Variants in CAMK4 observed in about 807,000 individuals in gnomAD.
CAMK4 encodes calcium/calmodulin-dependent protein kinase type IV.
A neutral mutation model predicts 44.9 loss-of-function variants in CAMK4; 22 were observed. The ratio of observed to expected loss-of-function variants is 0.49; its 90% CI spans 0.35 to 0.70. The LOEUF is 0.70. CAMK4 is among the 30% of genes least tolerant of loss of function. The probability of loss-of-function intolerance (pLI) is 0.01; values close to 1 mark genes in which losing one functional copy is unlikely to be tolerated. For missense variants in CAMK4, 498 were observed against 586.8 expected (o/e 0.85, Z 1.56); for synonymous variants, 218 against 215.4 (o/e 1.01, Z -0.11).
At chr5:111,346,714 T>A (rs1185211758) in intron 2 of CAMK4, among the ~76,000 whole-genome samples, 1 of 151,892 alleles carries the variant, frequency 6.6e-6, no homozygotes, top group African/African-American at 2.4e-5. Context: ...TCTCCTAGCT[T>A]CTGGTGACAG....
Position 111,475,295 on chromosome 5 carries a change from G to A in CAMK4, c.701+1909G>A, listed in dbSNP as rs543499294. 3.9e-5 allele frequency among the ~76,000 whole-genome samples: 6 copies of A among 152,294 alleles called. No homozygotes were observed. The South Asian group carries it at 1.2e-3, about 32-fold the overall frequency. ...AAATATACCCAATTTAGGTACCAGT[G>A]TACCAACAATTGGTAGGTACATTGT... On this transcript the variant is annotated intron_variant, in intron 8 of 10. Transcript: ENST00000282356.
intron 1 of CAMK4, among the ~76,000 whole-genome samples, chr5:111,335,948 T>C (rs1580611427): frequency 6.6e-6 from 1 of 151,332 alleles, no homozygotes; most frequent in Admixed American, 6.6e-5. Flanking sequence ...TTTTAACTTT[T>C]TGCCTTTAAA....
At chr5:111,229,779 C>G (rs1288317479) in intron 1 of CAMK4, among the ~76,000 whole-genome samples, 1 of 152,164 alleles carries the variant, frequency 6.6e-6, no homozygotes, top group Non-Finnish European at 1.5e-5. Flanking sequence ...CCAACCCTGT[C>G]TTGTTCTCTG....
intron 1 of CAMK4, among the ~76,000 whole-genome samples, chr5:111,261,631 T>G (rs1041104077): frequency 6.6e-6 from 1 of 152,164 alleles, no homozygotes; most frequent in Admixed American, 6.5e-5. Context: ...AGCCATCTTT[T>G]TAAAAATTTT....
At chr5:111,419,407 G>C (rs1224477707) in intron 5 of CAMK4, among the ~76,000 whole-genome samples, 1 of 152,140 alleles carries the variant, frequency 6.6e-6, no homozygotes, top group African/African-American at 2.4e-5. Flanking sequence ...TGTTCACTCT[G>C]ATGGTAGTTT....
At chr5:111,244,431 G>A (rs1749142305) in intron 1 of CAMK4, among the ~76,000 whole-genome samples, 1 of 152,142 alleles carries the variant, frequency 6.6e-6, no homozygotes, top group African/African-American at 2.4e-5. Context: ...AAGAATTCTA[G>A]CCTTGATGTT....
intron 7 of CAMK4, 128 bp from the exon 8 acceptor site, chr5:111,473,183 G>C: frequency 1.4e-6 from 1 of 726,630 alleles, no homozygotes; most frequent in Non-Finnish European, 2.5e-6. Flanking sequence ...TGTGGTTTGG[G>C]GAGAGAAGAT....
intron 5 of CAMK4, among the ~76,000 whole-genome samples, chr5:111,437,897 G>T (rs1753701672): frequency 6.6e-6 from 1 of 152,080 alleles, no homozygotes; most frequent in African/African-American, 2.4e-5. Context: ...AGAAGAAATG[G>T]CCTGATTCCC....
chr5:111,455,578 T>C (rs1333151931), intron 7 of CAMK4, among the ~76,000 whole-genome samples: 1 of 152,212 alleles, frequency 6.6e-6, no homozygotes, highest in Non-Finnish European at 1.5e-5. Flanking sequence ...AGTGATGGGC[T>C]AACAAAAGTC....
At chr5:111,317,466 G>T (rs1404346767) in intron 1 of CAMK4, among the ~76,000 whole-genome samples, 1 of 152,116 alleles carries the variant, frequency 6.6e-6, no homozygotes, top group Non-Finnish European at 1.5e-5. Context: ...TTCAAGCTTA[G>T]CCTGTAGAAA....
chr5:111,490,910 A>G lies in CAMK4; in HGVS notation c.*6444A>G, dbSNP rs1286253931. The G allele has an allele frequency of 6.6e-6, 1 of 152,124 alleles. No individual in the cohort carries two copies. The highest frequency in any genetic ancestry group is 2.4e-5 in the African/African-American group (1 of 41,410). The allele number at this position is 152,124 out of a possible 1,614,324, so 9.4% of individuals were successfully genotyped here. A position where few individuals can be genotyped will look rare whatever the true frequency, so the allele number is the denominator to read the frequency against. ...GCTGTGTTTCTTTCAACATTTTTCAATGTCTTGTGAGTTTAGTGAGTGGGT... is the reference window on the plus strand; with the variant it reads ...GCTGTGTTTCTTTCAACATTTTTCAGTGTCTTGTGAGTTTAGTGAGTGGGT... On this transcript the variant is annotated 3_prime_UTR_variant, in exon 11 of 11. Transcript: ENST00000282356.
chr5:111,381,226 GA>G (rs1473728929), intron 4 of CAMK4, among the ~76,000 whole-genome samples: 1 of 152,128 alleles, frequency 6.6e-6, no homozygotes, highest in Non-Finnish European at 1.5e-5. Context: ...TAAAGGGACA[GA>G]ACTAACAGGA....
chr5:111,463,712 C>A (rs1315135548), intron 7 of CAMK4, among the ~76,000 whole-genome samples: 1 of 152,194 alleles, frequency 6.6e-6, no homozygotes. Context: ...CCCAGCAGCT[C>A]CACTGGGTGG....
intron 4 of CAMK4, among the ~76,000 whole-genome samples, chr5:111,377,404 G>A (rs1361948285): frequency 6.6e-6 from 1 of 151,518 alleles, no homozygotes; most frequent in Non-Finnish European, 1.5e-5. Context: ...AGAAGTCTGT[G>A]TAAAGAGTTC....
chr5:111,442,337 TACAA>T (rs1753853853), intron 5 of CAMK4, among the ~76,000 whole-genome samples: 2 of 151,930 alleles, frequency 1.3e-5, no homozygotes, highest in South Asian at 4.2e-4. Flanking sequence ...CTACTAAAAA[TACAA>T]AGAAAATTAG....
intron 1 of CAMK4, among the ~76,000 whole-genome samples, chr5:111,308,226 T>C (rs1333296320): frequency 7.1e-6 from 1 of 141,620 alleles, no homozygotes; most frequent in Non-Finnish European, 1.5e-5. Context: ...AATGTGCACA[T>C]GTACCCTAAA....
At chr5:111,410,388 A>C (rs1752589736) in intron 5 of CAMK4, among the ~76,000 whole-genome samples, 1 of 152,280 alleles carries the variant, frequency 6.6e-6, no homozygotes, top group African/African-American at 2.4e-5. Flanking sequence ...AACTGCCCCC[A>C]AGATTCAATT....
intron 7 of CAMK4, 120 bp from the exon 8 acceptor site, chr5:111,473,190 AG>A: frequency 1.3e-6 from 1 of 745,564 alleles, no homozygotes. Flanking sequence ...TGGGGAGAGA[AG>A]ATTGGTTATA....
At chr5:111,418,288 T>G (rs964605423) in intron 5 of CAMK4, among the ~76,000 whole-genome samples, 5 of 152,222 alleles carry the variant, frequency 3.3e-5, no homozygotes, top group Admixed American at 6.5e-5. Flanking sequence ...CAAATAGGTG[T>G]GGGTCACAGA....
Sources: allele counts gnomAD v4.1 joint callset (sites outside exome capture counted in the v4.1 genomes callset), GRCh38; gene constraint gnomAD v4.1.1; transcripts MANE v1.5; gene names NCBI Gene and HGNC (gene_info 2026-07-23, HGNC 2026-07-21).